The following RBFOX1 variants were observed in gnomAD, a reference collection of about 807,000 sequenced individuals.
RBFOX1 encodes RNA binding fox-1 homolog 1.
Under a neutral mutation model 57.7 loss-of-function variants are expected in RBFOX1, and 8 were observed. The observed-to-expected ratio is 0.14, with a 90% CI of 0.08 to 0.25. RBFOX1 has a LOEUF of 0.25. RBFOX1 is among the 10% of genes least tolerant of loss of function. The pLI, the probability that RBFOX1 is intolerant of heterozygous loss-of-function variation, is 1.00. For missense variants in RBFOX1, 611 were observed against 548.5 expected (o/e 1.11, Z -1.14); for synonymous variants, 326 against 222.4 (o/e 1.47, Z -4.15).
chr16:7,135,728 C>T (rs1055714606), intron 4 of RBFOX1, among the ~76,000 whole-genome samples: 3 of 152,230 alleles, frequency 2.0e-5, no homozygotes, highest in Non-Finnish European at 4.4e-5. Flanking sequence ...ACCAATTTAA[C>T]CCTGTCTTCC....
At chr16:5,528,988 C>G (rs575229010) in intron 2 of RBFOX1, among the ~76,000 whole-genome samples, 37 of 152,144 alleles carry the variant, frequency 2.4e-4, no homozygotes, top group African/African-American at 8.9e-4. Context: ...AAACCTGATT[C>G]TCATCTGGTT....
At chr16:5,260,806 A>G (rs529799538) in intron 1 of RBFOX1, 10 of 152,340 alleles carry the variant, frequency 6.6e-5, no homozygotes, top group Non-Finnish European at 1.3e-4. Flanking sequence ...TTGCAAGTCT[A>G]CGTTTGAGTT....
At chr16:6,421,543 A>G (rs1257579012) in intron 2 of RBFOX1, among the ~76,000 whole-genome samples, 3 of 152,206 alleles carry the variant, frequency 2.0e-5, no homozygotes, top group East Asian at 1.9e-4. Context: ...TGACACATTC[A>G]TTATGGCCAT....
intron 2 of RBFOX1, among the ~76,000 whole-genome samples, chr16:6,456,739 T>G (rs2153055977): frequency 6.6e-6 from 1 of 152,278 alleles, no homozygotes; most frequent in South Asian, 2.1e-4. Context: ...ACTGAATGGA[T>G]CCGTGAGACA....
chr16:6,381,980 AAGGGCCACAC>A (rs2091861426), intron 2 of RBFOX1, among the ~76,000 whole-genome samples: 1 of 152,182 alleles, frequency 6.6e-6, no homozygotes, highest in Non-Finnish European at 1.5e-5. Context: ...TTTTCCTGTA[AAGGGCCACAC>A]AGGAAATATT....
intron 1 of RBFOX1, among the ~76,000 whole-genome samples, chr16:6,098,939 T>A (rs1314671575): frequency 6.6e-6 from 1 of 152,196 alleles, no homozygotes; most frequent in Non-Finnish European, 1.5e-5. Flanking sequence ...CGGCCTGGAC[T>A]GCACTTCGTA....
chr16:6,226,126 G>A (rs577582806), intron 1 of RBFOX1, among the ~76,000 whole-genome samples: 7 of 150,908 alleles, frequency 4.6e-5, no homozygotes, highest in Non-Finnish European at 7.4e-5. Context: ...TTGGGAGGCC[G>A]AGGTGGGAGG....
intron 4 of RBFOX1, among the ~76,000 whole-genome samples, chr16:7,218,069 G>C (rs7191336): frequency 0.08 from 10,743 of 133,614 alleles, 1,030 homozygotes; most frequent in African/African-American, 0.24. Flanking sequence ...GTGCGTGTGT[G>C]TGTGTGCGTC....
chr16:5,592,657 C>T (rs981917393), intron 2 of RBFOX1, among the ~76,000 whole-genome samples: 4 of 152,132 alleles, frequency 2.6e-5, no homozygotes, highest in African/African-American at 7.2e-5. Flanking sequence ...TATGTTAAGT[C>T]CTCTGTTTGG....
At chr16:5,800,246 A>C (rs1017285035) in intron 3 of RBFOX1, among the ~76,000 whole-genome samples, 1 of 152,166 alleles carries the variant, frequency 6.6e-6, no homozygotes, top group African/African-American at 2.4e-5. Context: ...TGTCCAGTCC[A>C]ATGGTGTGTA....
At chr16:7,282,184 G>C (rs934440163) in intron 4 of RBFOX1, among the ~76,000 whole-genome samples, 2 of 152,146 alleles carry the variant, frequency 1.3e-5, no homozygotes, top group Admixed American at 1.3e-4. Context: ...TGTCTGAAAA[G>C]GGAGGACAGA....
chr16:6,821,680 G>GT (rs1270989196), intron 3 of RBFOX1, among the ~76,000 whole-genome samples: 2 of 152,112 alleles, frequency 1.3e-5, no homozygotes, highest in African/African-American at 4.8e-5. Flanking sequence ...CATAATGTTT[G>GT]CAAGATTAAT....
intron 4 of RBFOX1, among the ~76,000 whole-genome samples, chr16:7,344,882 C>A (rs192915989): frequency 1.3e-5 from 2 of 152,188 alleles, no homozygotes; most frequent in Non-Finnish European, 2.9e-5. Context: ...CCCGTACAAC[C>A]GACTCTGAGC....
chr16:7,576,096 AT>A (rs113802059), intron 5 of RBFOX1, among the ~76,000 whole-genome samples: 373 of 123,354 alleles, frequency 3.0e-3, no homozygotes, highest in East Asian at 7.5e-3. Flanking sequence ...ATGATCAGCT[AT>A]TTTTTTTTTT....
intron 4 of RBFOX1, among the ~76,000 whole-genome samples, chr16:7,429,575 C>T (rs567861746): frequency 4.5e-4 from 69 of 152,184 alleles, no homozygotes; most frequent in Non-Finnish European, 5.1e-4. Context: ...CTCATACACC[C>T]AGAGCCTAGA....
chr16:6,912,928 C>A (rs763441542), intron 3 of RBFOX1, among the ~76,000 whole-genome samples: 2 of 152,072 alleles, frequency 1.3e-5, no homozygotes, highest in Non-Finnish European at 2.9e-5. Context: ...CCTAGAGCTC[C>A]TTGTTTTTGG....
intron 3 of RBFOX1, among the ~76,000 whole-genome samples, chr16:5,616,969 C>T (rs2048046464): frequency 6.6e-6 from 1 of 151,338 alleles, no homozygotes; most frequent in South Asian, 2.1e-4. Context: ...TGGCAGTACC[C>T]TTATTTGTTC....
intron 1 of RBFOX1, among the ~76,000 whole-genome samples, chr16:6,311,706 C>G (rs563489435): frequency 6.6e-6 from 1 of 152,286 alleles, no homozygotes; most frequent in South Asian, 2.1e-4. Context: ...CCATCAGATA[C>G]TCTGACTGCA....
intron 4 of RBFOX1, among the ~76,000 whole-genome samples, chr16:7,428,892 A>C (rs2098650539): frequency 6.6e-6 from 1 of 152,192 alleles, no homozygotes; most frequent in South Asian, 2.1e-4. Flanking sequence ...CAACAGTAGT[A>C]GTGAGTGACA....
Sources: gnomAD v4.1 joint callset for allele counts (sites outside exome capture counted in the v4.1 genomes callset) on GRCh38, gnomAD v4.1.1 for gene constraint, MANE v1.5 for transcripts, NCBI Gene and HGNC (gene_info 2026-07-23, HGNC 2026-07-21) for gene names.